Variants in DENND5A observed in about 807,000 individuals in gnomAD.
DENND5A encodes DENN domain-containing protein 5A.
DENND5A carries 64 observed loss-of-function variants against 140.3 expected under a neutral mutation model. That is an observed-to-expected ratio of 0.46 (90% CI 0.37 to 0.56). The LOEUF (loss-of-function observed/expected upper bound fraction) is 0.56, where lower values mean the gene tolerates loss of function less well. Ranked by LOEUF, DENND5A falls within the 20% of genes least tolerant of loss-of-function variation. The probability of loss-of-function intolerance (pLI) is 0.00; values close to 1 mark genes in which losing one functional copy is unlikely to be tolerated. For synonymous variants in DENND5A, 605 were observed against 607.7 expected (o/e 1.00, Z 0.07); for missense variants, 1,292 against 1,593.8 (o/e 0.81, Z 3.22).
Position 9,203,738 on chromosome 11 carries a change from C to A in DENND5A, c.871G>T (p.Glu291Ter), listed in dbSNP as rs779911552. 6.2e-7 allele frequency: 1 copy of A among 1,614,122 alleles called. No individual in the cohort carries two copies. Among genetic ancestry groups the A allele is most frequent in the Admixed American group, 1.7e-5 (1 of 60,012 alleles). Residue 291 changes from glutamate to a stop codon, truncating the protein, a stop_gained, in exon 4 of 23, where the codon GAA (glutamate) becomes TAA (stop). Transcript: ENST00000328194. LOFTEE classifies it high-confidence loss of function. Reference sequence around the variant, plus strand: ...AACACATTCTCCACCCCGAGCAGTTCAAAAACCTCTTTGACAGGAAAGTCA... The same window carrying A: ...AACACATTCTCCACCCCGAGCAGTTAAAAAACCTCTTTGACAGGAAAGTCA... ...LFDFPVKEVFELLGVENVFQL... is the reference protein window; with the variant it reads ...LFDFPVKEVF
At chr11:9,165,059 G>A (rs1848140394) in intron 11 of DENND5A, among the ~76,000 whole-genome samples, 1 of 152,138 alleles carries the variant, frequency 6.6e-6, no homozygotes, top group Non-Finnish European at 1.5e-5. Context: ...GAGTGCAATG[G>A]CGCGATCTCG....
Position 9,149,989 on chromosome 11 carries a change from T to C in DENND5A, c.2735+92A>G, listed in dbSNP as rs73416057. 8.5e-3 allele frequency: 12,760 copies of C among 1,494,612 alleles called. 783 individuals are homozygous for C. The African/African-American group carries it at 0.15, about 17-fold the overall frequency. 92.6% of individuals were successfully genotyped at this position (1,494,612 alleles called of 1,614,324 possible). On this transcript the variant is annotated intron_variant, in intron 15 of 22. Transcript: ENST00000328194. ...AGGTTAGCTGAATGCAGCAGCAATG[T>C]CACACTGAATACTCCCCCTTCCCAC...
intron 12 of DENND5A, among the ~76,000 whole-genome samples, chr11:9,154,284 G>T (rs1486190641): frequency 1.3e-5 from 2 of 152,150 alleles, no homozygotes; most frequent in African/African-American, 4.8e-5. Context: ...CTTGTAAGAG[G>T]TCACACCGTT....
chr11:9,235,760 T>C (rs1850974303), intron 1 of DENND5A, among the ~76,000 whole-genome samples: 1 of 151,496 alleles, frequency 6.6e-6, no homozygotes. Context: ...ACATGAAACA[T>C]CCAGAATAGG....
intron 1 of DENND5A, chr11:9,242,468 C>T (rs1851276083): frequency 6.6e-6 from 1 of 152,190 alleles, no homozygotes; most frequent in Non-Finnish European, 1.5e-5. Flanking sequence ...CTCACTTACA[C>T]ATCTTTGCAA....
chr11:9,259,945 T>A (rs1358554123), intron 1 of DENND5A, among the ~76,000 whole-genome samples: 2 of 144,798 alleles, frequency 1.4e-5, no homozygotes, highest in Non-Finnish European at 3.0e-5. Context: ...TCAGAATCAC[T>A]TGAACCAGAC....
At chr11:9,143,550 C>T in intron 19 of DENND5A, 65 bp from the exon 20 acceptor site, 1 of 1,377,998 alleles carries the variant, frequency 7.3e-7, no homozygotes, top group Non-Finnish European at 1.0e-6. Flanking sequence ...GCTGCCTGAG[C>T]AGGAGACTGA....
intron 3 of DENND5A, among the ~76,000 whole-genome samples, chr11:9,206,443 A>G (rs774511013): frequency 1.3e-5 from 2 of 152,210 alleles, no homozygotes; most frequent in African/African-American, 2.4e-5. Context: ...ACACAATACT[A>G]TGTATTTCTC....
intron 10 of DENND5A, 71 bp from the exon 11 acceptor site, chr11:9,166,038 G>C: frequency 7.1e-7 from 1 of 1,416,316 alleles, no homozygotes. Context: ...GTACTGGTGG[G>C]TGCCTGAAGA....
chr11:9,160,642 A>T (rs1367406007), intron 12 of DENND5A, 71 bp downstream of exon 12: 7 of 1,433,024 alleles, frequency 4.9e-6, no homozygotes, highest in African/African-American at 1.4e-5. Flanking sequence ...GGACAAAAAG[A>T]GTGTGGGAAA....
At chr11:9,170,817 CATAAAT>C (rs1590229647) in intron 8 of DENND5A, 40 bp from the exon 9 acceptor site, 16 of 1,416,754 alleles carry the variant, frequency 1.1e-5, no homozygotes, top group South Asian at 4.1e-5. Flanking sequence ...CACACACACA[CATAAAT>C]ACACACACAA....
intron 1 of DENND5A, among the ~76,000 whole-genome samples, chr11:9,234,172 C>T (rs536545964): frequency 7.2e-5 from 10 of 138,172 alleles, no homozygotes; most frequent in Admixed American, 2.4e-4. Context: ...GAGCAAAACT[C>T]CGTCTCAAAA....
chr11:9,204,735 C>A (rs116444984), intron 3 of DENND5A, among the ~76,000 whole-genome samples: 1 of 152,152 alleles, frequency 6.6e-6, no homozygotes, highest in Non-Finnish European at 1.5e-5. Flanking sequence ...TGCTGGTGCA[C>A]GCCTATAATC....
intron 1 of DENND5A, among the ~76,000 whole-genome samples, chr11:9,221,361 G>A (rs1376067380): frequency 6.6e-6 from 1 of 152,034 alleles, no homozygotes; most frequent in Non-Finnish European, 1.5e-5. Context: ...AACCTGGGAG[G>A]CAGAGGTTGT....
intron 1 of DENND5A, among the ~76,000 whole-genome samples, chr11:9,235,337 A>G (rs1174390863): frequency 6.6e-6 from 1 of 152,216 alleles, no homozygotes; most frequent in Non-Finnish European, 1.5e-5. Context: ...AGGTGCTGAC[A>G]CATGCTACAA....
chr11:9,250,324 A>T lies in DENND5A; in HGVS notation c.109+14637T>A, dbSNP rs144578251. Among the ~76,000 whole-genome samples the T allele has an allele frequency of 2.2e-3, 333 of 152,258 alleles. 2 individuals carry two copies. The highest frequency in any genetic ancestry group is 7.7e-3 in the African/African-American group (319 of 41,572). On this transcript the variant is annotated intron_variant, in intron 1 of 22. Coordinates refer to ENST00000328194, the MANE Select transcript of DENND5A (RefSeq NM_015213.4). ...ACCCCTAGTAACTACCTAGTCTAAG[A>T]AAAACATTTCCAGAACTGATAAAGA...
At position 9,143,385 on chromosome 11, in the gene DENND5A, G is replaced by A. The variant is rs1200974179; in HGVS notation, c.3387+18C>T. 1.2e-6 allele frequency: 2 copies of A among 1,604,110 alleles called. No homozygotes were observed. Among genetic ancestry groups the A allele is most frequent in the East Asian group, 2.2e-5 (1 of 44,834 alleles). On this transcript the variant is annotated intron_variant, in intron 20 of 22. Transcript: ENST00000328194. ...TTATTCAATGTAAGGCCCTGGATTG[G>A]AGGGCAGGAAGGCTCACCTCTTTCT... is the stretch of plus-strand genomic sequence containing the variant.
chr11:9,218,753 C>G (rs541982291), intron 1 of DENND5A, among the ~76,000 whole-genome samples: 107 of 152,140 alleles, frequency 7.0e-4, no homozygotes, highest in South Asian at 1.7e-3. Context: ...CGCCTGTAAT[C>G]CCAGCACTTC....
rs1847407085 is a variant in DENND5A at position 9,145,703 on chromosome 11, C to T, written c.2970G>A (p.Gln990=). 2 of 1,614,098 alleles carry T rather than the reference C, an allele frequency of 1.2e-6. No homozygotes were observed. The highest frequency in any genetic ancestry group is 1.1e-5 in the South Asian group (1 of 91,088). The change falls in exon 17 of 23, where the codon CAG becomes CAA. Residue 990 remains glutamine, a synonymous_variant. Coordinates refer to ENST00000328194, the MANE Select transcript of DENND5A (RefSeq NM_015213.4). ...SGELGETQIM[Q]IPRNVLEMTF... ...TCATCTCTAGCACATTCCTGGGAAT[C>T]TGCATGATCTGTGTCTCACCCAATT...
Sources: allele counts gnomAD v4.1 joint callset (sites outside exome capture counted in the v4.1 genomes callset), GRCh38; gene constraint gnomAD v4.1.1; transcripts MANE v1.5; gene names NCBI Gene and HGNC (gene_info 2026-07-23, HGNC 2026-07-21).